The following TAFA2 variants were observed in gnomAD, a reference collection of about 807,000 sequenced individuals.
The protein encoded by TAFA2 is TAFA chemokine like family member 2, also known as chemokine-like protein TAFA-2.
Under a neutral mutation model 18.8 loss-of-function variants are expected in TAFA2, and 7 were observed. The observed-to-expected ratio is 0.37, with a 90% confidence interval of 0.21 to 0.70. The LOEUF (loss-of-function observed/expected upper bound fraction) is 0.70. Ranked by LOEUF, TAFA2 falls within the 30% of genes least tolerant of loss-of-function variation. TAFA2 has a pLI of 0.53. For synonymous variants in TAFA2, 60 were observed against 54.2 expected, an observed-to-expected ratio of 1.11 and a Z score of -0.47; for missense variants, 122 against 158.1, an observed-to-expected ratio of 0.77 and a Z score of 1.23.
intron 2 of TAFA2, among the ~76,000 whole-genome samples, chr12:61,844,486 G>A (rs920425818): frequency 1.1e-4 from 16 of 152,032 alleles, no homozygotes; most frequent in African/African-American, 3.9e-4. Flanking sequence ...TTAATTCTTT[G>A]AGATACAGAA....
chr12:62,168,208 T>C (rs1006682384), intron 1 of TAFA2, among the ~76,000 whole-genome samples: 9 of 152,168 alleles, frequency 5.9e-5, no homozygotes, highest in African/African-American at 1.9e-4. Flanking sequence ...AAAGGAATCA[T>C]AGAATTCTTA....
At chr12:62,064,984 T>A (rs1219519699) in intron 1 of TAFA2, among the ~76,000 whole-genome samples, 1 of 152,002 alleles carries the variant, frequency 6.6e-6, no homozygotes, top group Non-Finnish European at 1.5e-5. Flanking sequence ...TTTACTATTT[T>A]AACTGACAAT....
chr12:62,208,478 TAA>T (rs10612004), intron 1 of TAFA2, among the ~76,000 whole-genome samples: 80,580 of 150,932 alleles, frequency 0.53, 22,161 homozygotes, highest in East Asian at 0.7. Flanking sequence ...CACTTCTAGT[TAA>T]AAAAAAAAGG....
intron 1 of TAFA2, among the ~76,000 whole-genome samples, chr12:62,175,521 C>CT (rs943936472): frequency 3.9e-5 from 6 of 151,980 alleles, no homozygotes; most frequent in South Asian, 2.1e-4. Flanking sequence ...TCACATTTCT[C>CT]TTTTTTTTGA....
At chr12:61,929,357 C>T (rs1226065286) in intron 1 of TAFA2, among the ~76,000 whole-genome samples, 1 of 152,088 alleles carries the variant, frequency 6.6e-6, no homozygotes, top group African/African-American at 2.4e-5. Context: ...TATGAACAGA[C>T]ACTTCTCAAA....
intron 1 of TAFA2, among the ~76,000 whole-genome samples, chr12:62,243,368 T>C (rs1399036082): frequency 3.3e-5 from 5 of 152,252 alleles, no homozygotes; most frequent in Non-Finnish European, 5.9e-5. Context: ...TAAATGCATG[T>C]TATGTATCTA....
chr12:61,715,748 CA>C (rs10706280), intron 4 of TAFA2, among the ~76,000 whole-genome samples: 118,516 of 139,688 alleles, frequency 0.85, 49,864 homozygotes, highest in African/African-American at 0.87. Flanking sequence ...CAAGACTCTA[CA>C]AAAAAAAAAA....
intron 1 of TAFA2, chr12:61,879,542 C>A: frequency 1.4e-6 from 1 of 727,174 alleles, no homozygotes; most frequent in Non-Finnish European, 2.5e-6. Flanking sequence ...CTGCTGAGGC[C>A]CCTTAACCTG....
At chr12:61,966,110 T>C (rs1206084017) in intron 1 of TAFA2, among the ~76,000 whole-genome samples, 1 of 151,894 alleles carries the variant, frequency 6.6e-6, no homozygotes, top group African/African-American at 2.4e-5. Flanking sequence ...TGTACCGTTT[T>C]ACTTTCCCAT....
chr12:61,739,731 A>G (rs1023945917), intron 4 of TAFA2, among the ~76,000 whole-genome samples: 5 of 152,072 alleles, frequency 3.3e-5, no homozygotes, highest in Non-Finnish European at 7.4e-5. Flanking sequence ...TTCATTTGTG[A>G]AATTTAATCT....
intron 4 of TAFA2, among the ~76,000 whole-genome samples, chr12:61,729,162 G>T (rs1349543127): frequency 6.6e-6 from 1 of 151,770 alleles, no homozygotes; most frequent in African/African-American, 2.4e-5. Context: ...TCTTAAGATG[G>T]CTTCTTTCAT....
chr12:61,724,965 C>A (rs1870091583), intron 4 of TAFA2, among the ~76,000 whole-genome samples: 1 of 151,886 alleles, frequency 6.6e-6, no homozygotes, highest in Non-Finnish European at 1.5e-5. Flanking sequence ...TTCACCACAT[C>A]CATACCAATG....
intron 2 of TAFA2, among the ~76,000 whole-genome samples, chr12:61,866,167 T>A (rs953316264): frequency 6.6e-6 from 1 of 152,110 alleles, no homozygotes; most frequent in Non-Finnish European, 1.5e-5. Flanking sequence ...CACGAAAACA[T>A]ACTGTGGGTA....
intron 1 of TAFA2, among the ~76,000 whole-genome samples, chr12:62,025,714 G>A (rs1225374399): frequency 6.6e-6 from 1 of 152,016 alleles, no homozygotes; most frequent in Non-Finnish European, 1.5e-5. Flanking sequence ...TAGAGGATAA[G>A]CCTTGCATTT....
In TAFA2 at chr12:61,856,932, A is replaced by G. The variant is rs553098585; in HGVS notation, c.106+10388T>C. 7.9e-5 allele frequency among the ~76,000 whole-genome samples: 12 copies of G among 151,842 alleles called. No individual in the cohort carries two copies. In the East Asian group the frequency reaches 2.3e-3, roughly 30 times the overall value. The stretch of plus-strand genomic sequence containing the variant: ...AAGGAAATGTAAAGAAATGCTCACA[A>G]AAAGTGAGAAAGTAAGACACAAATC... On this transcript the variant is annotated intron_variant, in intron 2 of 4. Coordinates refer to ENST00000416284, the MANE Select transcript of TAFA2 (RefSeq NM_178539.5).
intron 1 of TAFA2, among the ~76,000 whole-genome samples, chr12:61,974,448 GA>G (rs1293389580): frequency 6.6e-6 from 1 of 151,788 alleles, no homozygotes; most frequent in Non-Finnish European, 1.5e-5. Flanking sequence ...AAATACAACA[GA>G]AGGGGTGGTT....
At chr12:62,255,927 T>C (rs921075797) in intron 1 of TAFA2, among the ~76,000 whole-genome samples, 6 of 152,020 alleles carry the variant, frequency 3.9e-5, no homozygotes, top group Non-Finnish European at 8.8e-5. Context: ...CAGACTGATA[T>C]CAAATTTCAT....
chr12:62,013,365 A>C (rs1224463365), intron 1 of TAFA2, among the ~76,000 whole-genome samples: 2 of 152,190 alleles, frequency 1.3e-5, no homozygotes, highest in Non-Finnish European at 2.9e-5. Flanking sequence ...AGTAGAACAC[A>C]ATTTTCCTGG....
At chr12:61,975,022 T>C (rs549797219) in intron 1 of TAFA2, among the ~76,000 whole-genome samples, 2 of 128,502 alleles carry the variant, frequency 1.6e-5, no homozygotes, top group African/African-American at 2.6e-5. Flanking sequence ...GATGAACCAA[T>C]AGATTTTTTT....
Sources: allele counts gnomAD v4.1 joint callset (sites outside exome capture counted in the v4.1 genomes callset), GRCh38; gene constraint gnomAD v4.1.1; transcripts MANE v1.5; gene names NCBI Gene and HGNC (gene_info 2026-07-23, HGNC 2026-07-21).